REV3L: variants seen among roughly 807,000 people sequenced by gnomAD.
REV3L encodes REV3 like, DNA directed polymerase zeta catalytic subunit, also known as DNA polymerase zeta catalytic subunit.
In REV3L, 69 loss-of-function variants were observed where a neutral mutation model predicts 299.4. The ratio of observed to expected loss-of-function variants is 0.23; its 90% CI spans 0.19 to 0.28. REV3L has a LOEUF of 0.28. Ranked by LOEUF, REV3L falls within the 10% of genes least tolerant of loss-of-function variation. The pLI, the probability that REV3L is intolerant of heterozygous loss-of-function variation, is 1.00. For synonymous variants in REV3L, 1,238 were observed against 1,271.4 expected, an observed-to-expected ratio of 0.97 and a Z score of 0.56; for missense variants, 3,128 against 3,693.8, an observed-to-expected ratio of 0.85 and a Z score of 3.97.
chr6:111,465,745 C>CAAAAAAAAAAAAAAACAAACAAAA, intron 1 of REV3L, among the ~76,000 whole-genome samples: 1 of 76,864 alleles, frequency 1.3e-5, no homozygotes, highest in Non-Finnish European at 2.3e-5. Flanking sequence ...AAACAAAAAC[C>CAAAAAAAAAAAAAAACAAACAAAA]AAAAAAAAAA....
chr6:111,393,049 T>A (rs1409863002), intron 4 of REV3L, 77 bp from the exon 5 acceptor site: 1 of 1,034,432 alleles, frequency 9.7e-7, no homozygotes, highest in African/African-American at 1.6e-5. Flanking sequence ...TAAATTTTTT[T>A]TTTTTTGAGA....
chr6:111,308,576 A>G (rs1772603401), intron 30 of REV3L, among the ~76,000 whole-genome samples: 1 of 152,244 alleles, frequency 6.6e-6, no homozygotes, highest in African/African-American at 2.4e-5. Context: ...AAGTTGAACC[A>G]TCATAAGTTG....
chr6:111,473,961 C>T (rs926735090), intron 1 of REV3L, among the ~76,000 whole-genome samples: 3 of 152,060 alleles, frequency 2.0e-5, no homozygotes, highest in Non-Finnish European at 2.9e-5. Flanking sequence ...GCTTCTCAAC[C>T]CTTTTAACAT....
chr6:111,469,171 AAAAAC>A (rs1392325175), intron 1 of REV3L, among the ~76,000 whole-genome samples: 4 of 152,140 alleles, frequency 2.6e-5, no homozygotes, highest in Admixed American at 6.5e-5. Context: ...AACAACAACA[AAAAAC>A]AAAACAAAAC....
At chr6:111,377,207 T>A (rs1780402918) in intron 12 of REV3L, among the ~76,000 whole-genome samples, 2 of 152,330 alleles carry the variant, frequency 1.3e-5, no homozygotes, top group South Asian at 4.1e-4. Context: ...TGTATCTAAT[T>A]CTTTCAAAAG....
At chr6:111,474,157 C>T (rs1390752612) in intron 1 of REV3L, among the ~76,000 whole-genome samples, 1 of 152,134 alleles carries the variant, frequency 6.6e-6, no homozygotes, top group African/African-American at 2.4e-5. Flanking sequence ...ATATGAATTT[C>T]AAAACCAAAC....
At chr6:111,345,210 T>C (rs1425237004) in intron 20 of REV3L, among the ~76,000 whole-genome samples, 2 of 152,094 alleles carry the variant, frequency 1.3e-5, no homozygotes, top group Non-Finnish European at 2.9e-5. Flanking sequence ...TATGGAAATG[T>C]CTCAGCATGC....
chr6:111,365,029 CAT>C (rs1192118719), intron 15 of REV3L, among the ~76,000 whole-genome samples: 1 of 151,746 alleles, frequency 6.6e-6, no homozygotes, highest in African/African-American at 2.4e-5. Flanking sequence ...TTTTGGCTAT[CAT>C]ATTCACTTTC....
In REV3L at chr6:111,429,311, G is replaced by A. The variant is rs191172422; in HGVS notation, c.140-12839C>T. On this transcript the variant is annotated intron_variant, in intron 1 of 31. Transcript: ENST00000368802. ...TTATAGGTGTGAGCCATTGTGCCCA[G>A]TCAAATACATAGTCTTTCCCAGACA... is the stretch of plus-strand genomic sequence containing the variant. 7.3e-4 allele frequency among the ~76,000 whole-genome samples: 111 copies of A among 152,190 alleles called. 1 individual carries two copies. Among genetic ancestry groups the A allele is most frequent in the Middle Eastern group, 3.4e-3 (1 of 294 alleles).
rs1793978301 is a variant in REV3L, at chr6:111,483,132, T to TGCTGCCGCC, written c.-253_-245dup. On this transcript the variant is annotated 5_prime_UTR_variant, in exon 1 of 32. Transcript: ENST00000368802. ...GCCCTCGAGCTTTCGTCGGTGCTGG[T>TGCTGCCGCC]GCTGCCGCCACTGCCGCCACCGCCG... 4 of 496,534 alleles carry TGCTGCCGCC rather than the reference T, an allele frequency of 8.1e-6. No individual in the cohort carries two copies. Among genetic ancestry groups the TGCTGCCGCC allele is most frequent in the Non-Finnish European group, 1.4e-5 (4 of 288,962 alleles). The allele number at this position is 496,534 out of a possible 1,614,324, so 30.8% of individuals were successfully genotyped here.
intron 1 of REV3L, chr6:111,430,778 G>C: frequency 6.2e-7 from 1 of 1,606,736 alleles, no homozygotes; most frequent in South Asian, 1.1e-5. Flanking sequence ...GGAGCAGCTT[G>C]ACCGCATCGT....
chr6:111,330,378 T>G (rs1276400426), intron 24 of REV3L: 1 of 435,720 alleles, frequency 2.3e-6, no homozygotes, highest in Non-Finnish European at 4.7e-6. Context: ...TCATTTGTAT[T>G]CATCAAGACT....
chr6:111,469,933 AAAG>A (rs1399383521), intron 1 of REV3L, among the ~76,000 whole-genome samples: 8 of 152,348 alleles, frequency 5.3e-5, no homozygotes, highest in Admixed American at 2.6e-4. Flanking sequence ...ATAGGTGGTC[AAAG>A]AAGATTTTTC....
intron 4 of REV3L, among the ~76,000 whole-genome samples, chr6:111,401,357 G>A (rs1021686818): frequency 2.0e-5 from 3 of 152,116 alleles, no homozygotes; most frequent in African/African-American, 7.2e-5. Flanking sequence ...CAGTCATTAT[G>A]GAGAAAAAGC....
In REV3L at chr6:111,363,896, T is replaced by C. The variant is rs1778946669; in HGVS notation, c.6836A>G (p.Lys2279Arg). The C allele has an allele frequency of 4.3e-6, 7 of 1,613,578 alleles. No individual in the cohort carries two copies. The highest frequency in any genetic ancestry group is 5.9e-6 in the Non-Finnish European group (7 of 1,179,722). ...CTCCTGTAAGTTTTGTATGCTGACT[T>C]TGAAACCGTAAGTATTGTTTAAAGA... is the stretch of plus-strand genomic sequence containing the variant. ...GPSLNNTYGFKVSIQNLQEAK... is the reference protein window; with the variant it reads ...GPSLNNTYGFRVSIQNLQEAK... Residue 2279 changes from lysine (K) to arginine (R), a missense_variant, in exon 16 of 32, where the codon AAA becomes AGA. Around this residue, in one of 9 missense-constraint regions of REV3L, gnomAD observed 2,409 missense variants for 2,611.8 expected, o/e 0.92. Transcript: ENST00000368802.
intron 13 of REV3L, among the ~76,000 whole-genome samples, chr6:111,370,473 T>G (rs1224309503): frequency 1.3e-5 from 2 of 152,230 alleles, no homozygotes; most frequent in Admixed American, 6.5e-5. Context: ...TCTGCATTTC[T>G]GATAACCTTT....
At chr6:111,411,135 A>AT (rs1784199658) in intron 3 of REV3L, among the ~76,000 whole-genome samples, 1 of 152,196 alleles carries the variant, frequency 6.6e-6, no homozygotes, top group South Asian at 2.1e-4. Flanking sequence ...TCACTCCTAC[A>AT]TATTTCCCCT....
At chr6:111,450,504 A>C (rs933670591) in intron 1 of REV3L, among the ~76,000 whole-genome samples, 8 of 149,822 alleles carry the variant, frequency 5.3e-5, no homozygotes, top group Non-Finnish European at 7.4e-5. Context: ...AAAAAAAAAA[A>C]AACCAAAAAA....
intron 1 of REV3L, among the ~76,000 whole-genome samples, chr6:111,482,404 G>T (rs1219688923): frequency 6.6e-6 from 1 of 152,176 alleles, no homozygotes; most frequent in Admixed American, 6.5e-5. Flanking sequence ...TGGACATGGC[G>T]CGGCCACCTG....
Sources: allele counts gnomAD v4.1 joint callset (sites outside exome capture counted in the v4.1 genomes callset), GRCh38; gene constraint gnomAD v4.1.1; regional missense constraint gnomAD v4.1.1; transcripts MANE v1.5; gene names NCBI Gene and HGNC (gene_info 2026-07-23, HGNC 2026-07-21).